Variants in NMT2 observed in about 807,000 individuals in gnomAD.
The protein encoded by NMT2 is N-myristoyltransferase 2.
NMT2 carries 35 observed loss-of-function variants against 65.4 expected under a neutral mutation model. That is an observed-to-expected ratio of 0.54 (90% CI 0.41 to 0.71). NMT2 has a LOEUF of 0.71. Among genes scored for constraint, NMT2 ranks in the 30% least tolerant of loss-of-function variants. The probability of loss-of-function intolerance (pLI) is 0.00; values close to 1 mark genes in which losing one functional copy is unlikely to be tolerated. For missense variants in NMT2, 489 were observed against 611.3 expected (o/e 0.80, Z 2.11); for synonymous variants, 226 against 231.8 (o/e 0.98, Z 0.23).
chr10:15,131,118 T>G (rs1181476168), intron 6 of NMT2, among the ~76,000 whole-genome samples: 1 of 152,084 alleles, frequency 6.6e-6, no homozygotes, highest in Non-Finnish European at 1.5e-5. Context: ...ACACAATATT[T>G]AACAAAAATA....
At chr10:15,134,085 A>G (rs1846385704) in intron 3 of NMT2, among the ~76,000 whole-genome samples, 1 of 152,168 alleles carries the variant, frequency 6.6e-6, no homozygotes, top group Admixed American at 6.5e-5. Flanking sequence ...GGGAGAGGAA[A>G]GGGCTGCGGT....
rs761013114 is a variant in NMT2, at chr10:15,119,485, A to G, written c.1028T>C (p.Met343Thr). The G allele has an allele frequency of 1.6e-5, 26 of 1,613,902 alleles. No individual in the cohort carries two copies. Among genetic ancestry groups the G allele is most frequent in the African/African-American group, 5.3e-5 (4 of 74,922 alleles). Residue 343 changes from methionine (M) to threonine (T), a missense_variant, in exon 9 of 12, where the codon ATG becomes ACG. Coordinates refer to ENST00000378165, the MANE Select transcript of NMT2 (RefSeq NM_004808.3). ...DVTKTSGLRP[M>T]EPKDIKSVRE... is the part of the protein sequence containing the mutation. ...AACTGATTTGATATCTTTTGGTTCC[A>G]TTGGTCTCAAACCTGAAGTCTTTGT...
At position 15,109,811 on chromosome 10, in the gene NMT2, T is replaced by A; in HGVS notation, c.1367A>T (p.Asp456Val). ...CAAGAATGTCTTATTTTCCATCAAA[T>A]CCAGTGCATTGAATACATCAAATCC... Reference protein sequence around the residue: ...SKGFDVFNALDLMENKTFLEK... With the variant: ...SKGFDVFNALVLMENKTFLEK... Residue 456 changes from aspartate (D) to valine (V), a missense_variant, in exon 11 of 12, where the codon GAT (aspartate) becomes GTT (valine). Transcript: ENST00000378165. The A allele has an allele frequency of 1.9e-6, 3 of 1,612,552 alleles. No homozygotes were observed. The highest frequency in any genetic ancestry group is 2.5e-6 in the Non-Finnish European group (3 of 1,179,462).
Position 15,108,432 on chromosome 10 carries a change from A to G in NMT2, c.*763T>C, listed in dbSNP as rs1845389298. On this transcript the variant is annotated 3_prime_UTR_variant, in exon 12 of 12. Coordinates refer to ENST00000378165, the MANE Select transcript of NMT2 (RefSeq NM_004808.3). Reference sequence around the variant, plus strand: ...GATCTCCTGACCTCATGATCTGCCCACCTTGGCCTCCCAAAGTGCTGGGAT... The same window carrying G: ...GATCTCCTGACCTCATGATCTGCCCGCCTTGGCCTCCCAAAGTGCTGGGAT... The G allele has an allele frequency of 9.8e-6, 8 of 815,848 alleles. No homozygotes were observed. In the South Asian group the frequency reaches 1.7e-4, roughly 17 times the overall value. 50.5% of individuals were successfully genotyped at this position (815,848 alleles called of 1,614,324 possible). A position where few individuals can be genotyped will look rare whatever the true frequency, so the allele number is the denominator to read the frequency against.
At chr10:15,167,044 C>T (rs925484204) in intron 1 of NMT2, among the ~76,000 whole-genome samples, 1 of 152,202 alleles carries the variant, frequency 6.6e-6, no homozygotes, top group Non-Finnish European at 1.5e-5. Flanking sequence ...CTTGCATCTG[C>T]ACCTGGGCCC....
intron 8 of NMT2, among the ~76,000 whole-genome samples, chr10:15,127,567 A>AAT (rs1846129311): frequency 1.4e-4 from 13 of 90,156 alleles, no homozygotes; most frequent in Admixed American, 1.3e-4. Context: ...AAAAAAAAAA[A>AAT]AAATAAATAA....
chr10:15,158,784 C>T (rs923247308), intron 1 of NMT2, among the ~76,000 whole-genome samples: 7 of 152,176 alleles, frequency 4.6e-5, no homozygotes, highest in African/African-American at 1.7e-4. Flanking sequence ...GGAAGTCCAC[C>T]AAGATCAGGG....
chr10:15,151,557 T>G (rs1167599907), intron 1 of NMT2, among the ~76,000 whole-genome samples: 1 of 152,242 alleles, frequency 6.6e-6, no homozygotes, highest in Non-Finnish European at 1.5e-5. Flanking sequence ...GAAGAAATAT[T>G]TTAAATGCTT....
intron 6 of NMT2, among the ~76,000 whole-genome samples, chr10:15,132,550 C>T (rs1175183346): frequency 1.3e-5 from 2 of 152,120 alleles, no homozygotes; most frequent in Non-Finnish European, 2.9e-5. Flanking sequence ...GCCTCAGCCT[C>T]CTGAGTAGGT....
At position 15,106,819 on chromosome 10, in the gene NMT2, G is replaced by A. The variant is rs909780800; in HGVS notation, c.*2376C>T. ...GCAATATGTAAATGAAAGTGGCTGT[G>A]GCCAAGAGTGGTGGCTCATGTCTAT... On this transcript the variant is annotated 3_prime_UTR_variant, in exon 12 of 12. Transcript: ENST00000378165. 5.0e-6 allele frequency: 1 copy of A among 199,016 alleles called. No individual in the cohort carries two copies. Among genetic ancestry groups the A allele is most frequent in the African/African-American group, 2.4e-5 (1 of 42,358 alleles). 12.3% of individuals were successfully genotyped at this position (199,016 alleles called of 1,614,324 possible).
chr10:15,110,933 G>T (rs1477404185), intron 10 of NMT2, among the ~76,000 whole-genome samples: 1 of 151,982 alleles, frequency 6.6e-6, no homozygotes, highest in East Asian at 2.0e-4. Flanking sequence ...TGGCATTACA[G>T]GTGTGCACCT....
rs768684885 is a variant in NMT2 at position 15,130,332 on chromosome 10, A to G, written c.720-20T>C. 1 of 1,517,326 alleles carries G rather than the reference A, an allele frequency of 6.6e-7. No individual in the cohort carries two copies. Among genetic ancestry groups the G allele is most frequent in the African/African-American group, 1.4e-5 (1 of 71,694 alleles). 94.0% of individuals were successfully genotyped at this position (1,517,326 alleles called of 1,614,324 possible). ...TTCACACTAAGAAATAAAGATGGTGAAGATTAAGAGTCAAAACGAGATTCA... is the reference window on the plus strand; with the variant it reads ...TTCACACTAAGAAATAAAGATGGTGGAGATTAAGAGTCAAAACGAGATTCA... On this transcript the variant is annotated intron_variant, in intron 6 of 11. Transcript: ENST00000378165.
intron 7 of NMT2, among the ~76,000 whole-genome samples, 180 bp downstream of exon 7, chr10:15,129,962 C>CA (rs1316363442): frequency 6.8e-6 from 1 of 147,214 alleles, no homozygotes; most frequent in Non-Finnish European, 1.5e-5. Flanking sequence ...AGGAAAATGT[C>CA]AAAAACTTTT....
Position 15,133,229 on chromosome 10 carries a change from GT to G in NMT2, c.510+15del. 1 of 1,608,184 alleles carries G rather than the reference GT, an allele frequency of 6.2e-7. No homozygotes were observed. Among genetic ancestry groups the G allele is most frequent in the Non-Finnish European group, 8.5e-7 (1 of 1,174,616 alleles). On this transcript the variant is annotated intron_variant, in intron 4 of 11. Transcript: ENST00000378165. The stretch of plus-strand genomic sequence containing the variant: ...TGAATGCAGGAGTTGAATTTAAGAG[GT>G]TTTTACTCACTCACCACTTCGGCAT...
rs1404229187 is a variant in NMT2 at position 15,107,041 on chromosome 10, G to A, written c.*2154C>T. Among the ~76,000 whole-genome samples, 1 of 151,072 alleles carries A rather than the reference G, an allele frequency of 6.6e-6. No individual in the cohort carries two copies. Among genetic ancestry groups the A allele is most frequent in the African/African-American group, 2.4e-5 (1 of 41,106 alleles). On this transcript the variant is annotated 3_prime_UTR_variant, in exon 12 of 12. Transcript: ENST00000378165. ...GAGGATCATTTTAACCCAGGAGTTT[G>A]GGGCTGCAGTGAGCTGTTGACTGTG...
intron 1 of NMT2, among the ~76,000 whole-genome samples, chr10:15,163,611 A>G (rs1264431605): frequency 6.6e-6 from 1 of 152,244 alleles, no homozygotes; most frequent in East Asian, 1.9e-4. Flanking sequence ...AGTTATCCCT[A>G]AATTTTCCAT....
At chr10:15,163,211 C>T (rs999513992) in intron 1 of NMT2, among the ~76,000 whole-genome samples, 16 of 152,060 alleles carry the variant, frequency 1.1e-4, no homozygotes, top group African/African-American at 3.6e-4. Context: ...CACACCTGGC[C>T]CTATTGTTTG....
rs58665719 is a variant in NMT2, at chr10:15,109,349, C to T, written c.1477-134G>A. 226 of 1,050,756 alleles carry T rather than the reference C, an allele frequency of 2.2e-4. 1 individual carries two copies. The African/African-American group carries it at 3.3e-3, about 15-fold the overall frequency. 65.1% of individuals were successfully genotyped at this position (1,050,756 alleles called of 1,614,324 possible). A position where few individuals can be genotyped will look rare whatever the true frequency, so the allele number is the denominator to read the frequency against. ...CGGCACTTTGGGAGGCCAAGGCAGGCGGATCACCTGAGGTCAGGAGTTTGA... is the reference window on the plus strand; with the variant it reads ...CGGCACTTTGGGAGGCCAAGGCAGGTGGATCACCTGAGGTCAGGAGTTTGA... On this transcript the variant is annotated intron_variant, in intron 11 of 11. Coordinates refer to ENST00000378165, the MANE Select transcript of NMT2 (RefSeq NM_004808.3).
intron 10 of NMT2, among the ~76,000 whole-genome samples, chr10:15,111,157 CCTTT>C (rs902480264): frequency 6.6e-6 from 1 of 152,078 alleles, no homozygotes; most frequent in Non-Finnish European, 1.5e-5. Flanking sequence ...TAATTATTAG[CCTTT>C]CTAAGTCCTA....
Sources: gnomAD v4.1 joint callset for allele counts (sites outside exome capture counted in the v4.1 genomes callset) on GRCh38, gnomAD v4.1.1 for gene constraint, MANE v1.5 for transcripts, NCBI Gene and HGNC (gene_info 2026-07-23, HGNC 2026-07-21) for gene names.